The following PLXNA3 variants were observed in gnomAD, a reference collection of about 807,000 sequenced individuals.
The protein encoded by PLXNA3 is plexin A3.
Under a neutral mutation model 118.8 loss-of-function variants are expected in PLXNA3, and 52 were observed. The ratio of observed to expected loss-of-function variants is 0.44; its 90% CI spans 0.35 to 0.55. The LOEUF is 0.55. Among genes scored for constraint, PLXNA3 ranks in the 20% least tolerant of loss-of-function variants. The probability of loss-of-function intolerance (pLI) is 0.01; values close to 1 mark genes in which losing one functional copy is unlikely to be tolerated. For synonymous variants in PLXNA3, 925 were observed against 762.4 expected, an observed-to-expected ratio of 1.21 and a Z score of -3.51; for missense variants, 1,660 against 1,730.8, an observed-to-expected ratio of 0.96 and a Z score of 0.73.
chrX:154,459,039 A>C (rs1557202681), intron 1 of PLXNA3, among the ~76,000 whole-genome samples: 1 of 110,871 alleles, frequency 9.0e-6, no homozygotes. Flanking sequence ...AGCCCTGGAG[A>C]GGTGATCAAT....
chrX:154,465,387 C>T (rs376053742), intron 11 of PLXNA3, 37 bp from the exon 12 acceptor site: 3 of 1,123,501 alleles, frequency 2.7e-6, no homozygotes, highest in Non-Finnish European at 3.7e-6. Flanking sequence ...GGGTTCTGCA[C>T]ATCTTATCTG....
At position 154,470,603 on chromosome X, in the gene PLXNA3, G is replaced by A; in HGVS notation, c.5148G>A (p.Lys1716=). 1.3e-5 allele frequency: 16 copies of A among 1,210,081 alleles called. No individual in the cohort carries two copies. Among genetic ancestry groups the A allele is most frequent in the Non-Finnish European group, 1.7e-5 (15 of 894,483 alleles). Reference sequence around the variant, plus strand: ...ACCCCGATGTGCGCCACACCTGGAAGAGCAACTGGTATCACCCCGTGCTGG... The same window carrying A: ...ACCCCGATGTGCGCCACACCTGGAAAAGCAACTGGTATCACCCCGTGCTGG... ...ISDPDVRHTW[K]SNCLPLRFWV... Residue 1716 remains lysine, a synonymous_variant, in exon 30 of 33, where the codon AAG becomes AAA. Transcript: ENST00000369682.
Position 154,470,590 on chromosome X carries a change from G to T in PLXNA3, c.5135G>T (p.Arg1712Leu), listed in dbSNP as rs141950364. The T allele has an allele frequency of 2.5e-6, 3 of 1,210,665 alleles. No homozygotes were observed. Among genetic ancestry groups the T allele is most frequent in the Non-Finnish European group, 3.4e-6 (3 of 894,921 alleles). The change falls in exon 30 of 33, where the codon CGC becomes CTC. Residue 1712 changes from arginine to leucine, a missense_variant. Arg to Leu is a moderately radical substitution (Grantham distance 102, BLOSUM62 -2). Coordinates refer to ENST00000369682, the MANE Select transcript of PLXNA3 (RefSeq NM_017514.5). ...DQRQISDPDV[R>L]HTWKSNCLPL... ...CGCCAGATCAGCGACCCCGATGTGC[G>T]CCACACCTGGAAGAGCAACTGGTAT...
intron 1 of PLXNA3, among the ~76,000 whole-genome samples, chrX:154,459,657 A>T (rs782681723): frequency 8.9e-6 from 1 of 112,506 alleles, no homozygotes; most frequent in African/African-American, 3.2e-5. Context: ...TGCAGGGGAC[A>T]TGGTGGTGCT....
At chrX:154,463,746 C>G in intron 6 of PLXNA3, 56 bp downstream of exon 6, 1 of 1,012,307 alleles carries the variant, frequency 9.9e-7, no homozygotes, top group Non-Finnish European at 1.3e-6. Flanking sequence ...CCAGGGGGAG[C>G]CAGCCACACC....
At chrX:154,470,700 G>A in intron 30 of PLXNA3, 89 bp downstream of exon 30, 1 of 890,134 alleles carries the variant, frequency 1.1e-6, no homozygotes, top group Non-Finnish European at 1.6e-6. Context: ...AGGGCCTGGA[G>A]TAGCATCCAG....
In PLXNA3 at chrX:154,472,917, A is replaced by C. The variant is rs2069203653; in HGVS notation, c.*232A>C. The C allele has an allele frequency of 5.4e-6, 2 of 371,360 alleles. No homozygotes were observed. Among genetic ancestry groups the C allele is most frequent in the Non-Finnish European group, 9.6e-6 (2 of 209,016 alleles). 30.6% of individuals were successfully genotyped at this position (371,360 alleles called of 1,213,427 possible). ...GAGCCCCCACCCCAGCAGCAGCAAT[A>C]CCCCCACCCTCCTGCCCTGTGCCCA... On this transcript the variant is annotated 3_prime_UTR_variant, in exon 33 of 33. Coordinates refer to ENST00000369682, the MANE Select transcript of PLXNA3 (RefSeq NM_017514.5).
chrX:154,470,813 G>C (rs1233122140), intron 30 of PLXNA3: 1 of 456,515 alleles, frequency 2.2e-6, no homozygotes, highest in African/African-American at 2.4e-5. Flanking sequence ...GGGTGGGTGG[G>C]ATGGTGGTGG....
chrX:154,458,876 T>C (rs1044834461), intron 1 of PLXNA3, among the ~76,000 whole-genome samples: 2 of 111,645 alleles, frequency 1.8e-5, no homozygotes, highest in African/African-American at 6.5e-5. Context: ...GGCCTGAAAC[T>C]GCCTCCCCAG....
chrX:154,470,834 G>T, intron 30 of PLXNA3: 1 of 450,036 alleles, frequency 2.2e-6, no homozygotes, highest in South Asian at 3.3e-5. Flanking sequence ...TGAGGCCTTT[G>T]CCCTCTGGGG....
Position 154,473,124 on chromosome X carries a change from C to G in PLXNA3, c.*439C>G. 1 of 118,037 alleles carries G rather than the reference C, an allele frequency of 8.5e-6. No individual in the cohort carries two copies. The highest frequency in any genetic ancestry group is 1.8e-5 in the Non-Finnish European group (1 of 55,644). The allele number at this position is 118,037 out of a possible 1,213,427, so 9.7% of individuals were successfully genotyped here. A position where few individuals can be genotyped will look rare whatever the true frequency, so the allele number is the denominator to read the frequency against. On this transcript the variant is annotated 3_prime_UTR_variant, in exon 33 of 33. Transcript: ENST00000369682. ...CACCCGTCTGGGCTCCTTTGTGTAGCATTATCAGCCTCGGTCTGGCCTCTG... is the reference window on the plus strand; with the variant it reads ...CACCCGTCTGGGCTCCTTTGTGTAGGATTATCAGCCTCGGTCTGGCCTCTG...
rs1557208850 is a variant in PLXNA3, at chrX:154,470,038, G to A, written c.4857G>A (p.Thr1619=). ...DSLRSRAPMI[T]PDQETGTKLW... ...TCCGCTCACGGGCACCCATGATTAC[G>A]CCTGACCAGGAGACAGGCACCAAAT... is the stretch of plus-strand genomic sequence containing the variant. The change falls in exon 29 of 33, where the codon ACG becomes ACA. Residue 1619 remains threonine (T), a synonymous_variant. Coordinates refer to ENST00000369682, the MANE Select transcript of PLXNA3 (RefSeq NM_017514.5). 2 of 1,211,320 alleles carry A rather than the reference G, an allele frequency of 1.7e-6. No individual in the cohort carries two copies. Among genetic ancestry groups the A allele is most frequent in the Admixed American group, 4.3e-5 (2 of 46,138 alleles).
chrX:154,470,729 T>C lies in PLXNA3; in HGVS notation c.5156+118T>C, dbSNP rs1172564005. 7.1e-6 allele frequency: 5 copies of C among 699,445 alleles called. No homozygotes were observed. The East Asian group carries it at 9.7e-5, about 14-fold the overall frequency. 57.6% of individuals were successfully genotyped at this position (699,445 alleles called of 1,213,427 possible). On this transcript the variant is annotated intron_variant, in intron 30 of 32. Transcript: ENST00000369682. ...CATCCAGGCAGGAGGGAATGAGGCC[T>C]GGCCTGGGGTTGACACTGACGGTGC... is the stretch of plus-strand genomic sequence containing the variant.
rs1486475980 is a variant in PLXNA3 at position 154,475,708 on chromosome X, C to T, written c.*3023C>T. The stretch of plus-strand genomic sequence containing the variant: ...GCTGTGCCGTCGGCCCAGACAGAAC[C>T]ATCTGGACAGAGGACAGAGGATAAG... On this transcript the variant is annotated 3_prime_UTR_variant, in exon 33 of 33. Transcript: ENST00000369682. The T allele has an allele frequency of 1.8e-5, 2 of 112,681 alleles. No individual in the cohort carries two copies. Among genetic ancestry groups the T allele is most frequent in the African/African-American group, 6.5e-5 (2 of 30,968 alleles). 9.3% of individuals were successfully genotyped at this position (112,681 alleles called of 1,213,427 possible).
intron 24 of PLXNA3, 28 bp from the exon 25 acceptor site, chrX:154,468,795 C>G (rs1252298912): frequency 8.3e-7 from 1 of 1,209,771 alleles, no homozygotes; most frequent in Non-Finnish European, 1.1e-6. Flanking sequence ...AGGCAGGCAG[C>G]CAGCTGTGCA....
intron 31 of PLXNA3, 46 bp from the exon 32 acceptor site, chrX:154,471,442 T>C: frequency 8.5e-7 from 1 of 1,177,255 alleles, no homozygotes; most frequent in Non-Finnish European, 1.1e-6. Context: ...GCAGGGGTTC[T>C]AGTTTTTGTG....
chrX:154,463,926 C>A, intron 6 of PLXNA3, 25 bp from the exon 7 acceptor site: 1 of 1,153,490 alleles, frequency 8.7e-7, no homozygotes, highest in Non-Finnish European at 1.2e-6. Flanking sequence ...AGTGGCGGGA[C>A]CGGCTCTGGC....
rs373463336 is a variant in PLXNA3 at position 154,467,084 on chromosome X, G to C, written c.3135G>C (p.Gly1045=). 5 of 1,208,765 alleles carry C rather than the reference G, an allele frequency of 4.1e-6. No homozygotes were observed. The African/African-American group carries it at 7.0e-5, about 17-fold the overall frequency. ...INGSTAITVS[G]THLLTVQEPR... ...GAAGCACTGCCATCACTGTGAGTGG[G>C]ACCCACCTGCTGACGGTCCAGGAGC... The change falls in exon 18 of 33, where the codon GGG becomes GGC. Residue 1045 remains glycine, a synonymous_variant. Transcript: ENST00000369682.
At chrX:154,463,774 C>A in intron 6 of PLXNA3, 84 bp downstream of exon 6, 1 of 965,030 alleles carries the variant, frequency 1.0e-6, no homozygotes, top group Non-Finnish European at 1.4e-6. Context: ...GCCCTTGCGG[C>A]CTCCCCCCGC....
Sources: gnomAD v4.1 joint callset for allele counts (sites outside exome capture counted in the v4.1 genomes callset) on GRCh38, gnomAD v4.1.1 for gene constraint, MANE v1.5 for transcripts, NCBI Gene and HGNC (gene_info 2026-07-23, HGNC 2026-07-21) for gene names.